Variants in EPHA6 observed in about 807,000 individuals in gnomAD.
EPHA6 encodes EPH receptor A6, also known as ephrin type-A receptor 6.
In EPHA6, 50 loss-of-function variants were observed where a neutral mutation model predicts 112.0. That is an observed-to-expected ratio of 0.45 (90% CI 0.36 to 0.56). EPHA6 has a LOEUF of 0.56. Ranked by LOEUF, EPHA6 falls within the 20% of genes least tolerant of loss-of-function variation. The pLI is 0.00. For missense variants in EPHA6, 1,280 were observed against 1,417.4 expected (o/e 0.90, Z 1.56); for synonymous variants, 529 against 490.7 (o/e 1.08, Z -1.03).
chr3:96,823,402 A>G (rs1475896546), intron 1 of EPHA6, among the ~76,000 whole-genome samples: 1 of 151,806 alleles, frequency 6.6e-6, no homozygotes, highest in Non-Finnish European at 1.5e-5. Flanking sequence ...CTGGCTGTAT[A>G]TATTCAACCA....
rs1472216179 is a variant in EPHA6, at chr3:97,758,417, T to C, written c.*9716T>C. On this transcript the variant is annotated 3_prime_UTR_variant, in exon 18 of 18. Coordinates refer to ENST00000389672, the MANE Select transcript of EPHA6 (RefSeq NM_001080448.3). ...CCTTACTGGTCCAAAATTGTATAATTCCTAAATTTTCATATATATACATAT... is the reference window on the plus strand; with the variant it reads ...CCTTACTGGTCCAAAATTGTATAATCCCTAAATTTTCATATATATACATAT... Among the ~76,000 whole-genome samples the C allele has an allele frequency of 1.3e-5, 2 of 151,928 alleles. No homozygotes were observed. The highest frequency in any genetic ancestry group is 2.4e-5 in the African/African-American group (1 of 41,410).
At chr3:97,028,886 G>A (rs1213804253) in intron 3 of EPHA6, among the ~76,000 whole-genome samples, 3 of 151,808 alleles carry the variant, frequency 2.0e-5, no homozygotes, top group Admixed American at 6.6e-5. Flanking sequence ...TTAAGTGTAA[G>A]CAAACCTTTT....
intron 11 of EPHA6, among the ~76,000 whole-genome samples, chr3:97,562,508 C>T (rs1197730645): frequency 6.6e-6 from 1 of 152,132 alleles, no homozygotes; most frequent in African/African-American, 2.4e-5. Context: ...TTATTGTAAT[C>T]TCATGATAGA....
chr3:97,284,419 A>G (rs147529071), intron 5 of EPHA6, among the ~76,000 whole-genome samples: 2 of 152,260 alleles, frequency 1.3e-5, no homozygotes, highest in East Asian at 3.9e-4. Context: ...TTCTGAGAAC[A>G]TCTTACTTCT....
intron 11 of EPHA6, among the ~76,000 whole-genome samples, chr3:97,551,277 T>C (rs944252716): frequency 6.6e-6 from 1 of 152,196 alleles, no homozygotes; most frequent in Admixed American, 6.6e-5. Context: ...AATACAGAAA[T>C]AGAGCACAGT....
chr3:97,298,153 A>G (rs940630429), intron 5 of EPHA6, among the ~76,000 whole-genome samples: 2 of 152,138 alleles, frequency 1.3e-5, no homozygotes, highest in Admixed American at 1.3e-4. Context: ...CGCAATGCCA[A>G]ATTTGCCTTA....
At chr3:96,970,850 A>G (rs1412938280) in intron 2 of EPHA6, among the ~76,000 whole-genome samples, 2 of 152,098 alleles carry the variant, frequency 1.3e-5, no homozygotes, top group African/African-American at 4.8e-5. Context: ...CCTTTAAATC[A>G]GCTTCCTCAT....
intron 5 of EPHA6, 62 bp downstream of exon 5, chr3:97,244,349 C>T: frequency 7.2e-7 from 1 of 1,389,338 alleles, no homozygotes; most frequent in African/African-American, 1.4e-5. Flanking sequence ...ATAAATATCC[C>T]TCATGGGCAT....
At chr3:97,050,906 G>T (rs2045664748) in intron 3 of EPHA6, among the ~76,000 whole-genome samples, 2 of 152,254 alleles carry the variant, frequency 1.3e-5, no homozygotes, top group Non-Finnish European at 2.9e-5. Context: ...GTGATTCTCA[G>T]CATAACCTTG....
At chr3:96,901,136 C>A (rs1314847191) in intron 2 of EPHA6, among the ~76,000 whole-genome samples, 1 of 152,008 alleles carries the variant, frequency 6.6e-6, no homozygotes, top group Non-Finnish European at 1.5e-5. Flanking sequence ...TTAATAGAGA[C>A]TAAAATTCAT....
At chr3:96,916,437 G>T (rs2039485635) in intron 2 of EPHA6, among the ~76,000 whole-genome samples, 1 of 152,144 alleles carries the variant, frequency 6.6e-6, no homozygotes, top group African/African-American at 2.4e-5. Context: ...GGTTAATAAA[G>T]ATCCTAATGT....
At chr3:97,138,642 G>A (rs1272663477) in intron 3 of EPHA6, among the ~76,000 whole-genome samples, 5 of 152,152 alleles carry the variant, frequency 3.3e-5, no homozygotes, top group African/African-American at 4.8e-5. Flanking sequence ...CCCAGTCCAG[G>A]GGCATGGAGA....
At chr3:96,991,563 A>G (rs1487100865) in intron 3 of EPHA6, among the ~76,000 whole-genome samples, 2 of 152,120 alleles carry the variant, frequency 1.3e-5, no homozygotes, top group Admixed American at 1.3e-4. Flanking sequence ...CACAAGAGTG[A>G]ATACCTGAAA....
At chr3:97,383,170 C>G (rs1273605934) in intron 5 of EPHA6, among the ~76,000 whole-genome samples, 6 of 151,922 alleles carry the variant, frequency 3.9e-5, no homozygotes, top group Admixed American at 6.6e-5. Context: ...GGAAAATAAG[C>G]TGTGGACTTA....
chr3:97,168,342 C>T (rs2076591883), intron 3 of EPHA6, among the ~76,000 whole-genome samples: 1 of 152,028 alleles, frequency 6.6e-6, no homozygotes, highest in African/African-American at 2.4e-5. Context: ...AATTGTAATT[C>T]CCAATTTTGG....
chr3:96,905,009 G>A (rs72916408), intron 2 of EPHA6, among the ~76,000 whole-genome samples: 2,057 of 152,148 alleles, frequency 0.014, 50 homozygotes, highest in African/African-American at 0.045. Context: ...ATCCAACAAT[G>A]GTAGCCATAT....
intron 3 of EPHA6, among the ~76,000 whole-genome samples, chr3:97,190,452 T>C (rs781346850): frequency 3.3e-5 from 5 of 152,030 alleles, no homozygotes; most frequent in Admixed American, 6.6e-5. Flanking sequence ...ACTCTTACTG[T>C]CATAATTTCC....
chr3:97,352,152 C>A (rs1480118142), intron 5 of EPHA6, among the ~76,000 whole-genome samples: 1 of 151,478 alleles, frequency 6.6e-6, no homozygotes, highest in African/African-American at 2.4e-5. Flanking sequence ...AAAAACAGAA[C>A]AAAAGGATAT....
At chr3:96,834,826 T>C (rs2034303635) in intron 1 of EPHA6, among the ~76,000 whole-genome samples, 1 of 152,036 alleles carries the variant, frequency 6.6e-6, no homozygotes. Flanking sequence ...ATATCTAGGC[T>C]TTCCTTTAAT....
Sources: allele counts gnomAD v4.1 joint callset (sites outside exome capture counted in the v4.1 genomes callset), GRCh38; gene constraint gnomAD v4.1.1; transcripts MANE v1.5; gene names NCBI Gene and HGNC (gene_info 2026-07-23, HGNC 2026-07-21).